Variants in POLR1D observed in about 807,000 individuals in gnomAD.
POLR1D encodes the protein DNA-directed RNA polymerases I and III subunit RPAC2.
Under a neutral mutation model 10.8 loss-of-function variants are expected in POLR1D, and 8 were observed. The observed-to-expected ratio is 0.74, with a 90% CI of 0.43 to 1.33. The LOEUF (loss-of-function observed/expected upper bound fraction) is 1.33. Among genes scored for constraint, POLR1D ranks in the 40% most tolerant of loss-of-function variants. POLR1D has a pLI of 0.01. For missense variants in POLR1D, 152 were observed against 161.7 expected, an observed-to-expected ratio of 0.94 and a Z score of 0.32; for synonymous variants, 54 against 57.2, an observed-to-expected ratio of 0.94 and a Z score of 0.25.
At chr13:27,632,741 A>G (rs1320731611) in intron 1 of POLR1D, among the ~76,000 whole-genome samples, 1 of 148,926 alleles carries the variant, frequency 6.7e-6, no homozygotes, top group Non-Finnish European at 1.5e-5. Flanking sequence ...TTCATTATAT[A>G]TTGCCTTTCC....
chr13:27,640,732 A>C (rs1301225154), intron 1 of POLR1D, among the ~76,000 whole-genome samples: 3 of 152,100 alleles, frequency 2.0e-5, no homozygotes, highest in African/African-American at 2.4e-5. Flanking sequence ...ATTATTTTAC[A>C]TTTTGTTTTT....
chr13:27,621,595 G>T, upstream of POLR1D: 1 of 158,492 alleles, frequency 6.3e-6, no homozygotes, highest in Non-Finnish European at 1.4e-5. Flanking sequence ...GGGGGCGGCA[G>T]GTAAGGCCGC....
At position 27,663,633 on chromosome 13, in the gene POLR1D, G is replaced by A. The variant is rs1197172476; in HGVS notation, c.102-2053G>A. 6.6e-6 allele frequency among the ~76,000 whole-genome samples: 1 copy of A among 152,174 alleles called. No homozygotes were observed. The highest frequency in any genetic ancestry group is 2.4e-5 in the African/African-American group (1 of 41,422). ...TTGGTTTTAAAGATGATCTGACATT[G>A]AAAACAGCAAAATAGAGTGGAATTC... On this transcript the variant is annotated intron_variant, in intron 2 of 2. Coordinates refer to the POLR1D transcript ENST00000399697. The surrounding 1 kb of genome is among the most constrained non-coding windows in gnomAD (Gnocchi z 4.1).
intron 1 of POLR1D, among the ~76,000 whole-genome samples, chr13:27,630,010 C>A (rs752878143): frequency 3.9e-5 from 6 of 152,152 alleles, no homozygotes; most frequent in Non-Finnish European, 5.9e-5. Context: ...CTCCTGGGTT[C>A]AAGAGATTCT....
At chr13:27,659,089 C>T (rs2138570147) in intron 2 of POLR1D, among the ~76,000 whole-genome samples, 1 of 152,218 alleles carries the variant, frequency 6.6e-6, no homozygotes, top group Middle Eastern at 3.4e-3. Flanking sequence ...AAGGAAGTCA[C>T]CCATCTTGTT....
At position 27,663,009 on chromosome 13, in the gene POLR1D, G is replaced by GA. The variant is rs995362501; in HGVS notation, c.102-2674dup. ...TCATGTAGTGTGATTTCTTAGCAAT[G>GA]AAACAACCAACTGTGAGATTCAGCA... On this transcript the variant is annotated intron_variant, in intron 2 of 2. Coordinates refer to the POLR1D transcript ENST00000399697. The surrounding 1 kb of genome is among the most constrained non-coding windows in gnomAD (Gnocchi z 4.1). Among the ~76,000 whole-genome samples the GA allele has an allele frequency of 2.0e-5, 3 of 152,326 alleles. No individual in the cohort carries two copies. The highest frequency in any genetic ancestry group is 2.9e-5 in the Non-Finnish European group (2 of 68,036).
At chr13:27,638,520 T>C (rs1303140056) in intron 1 of POLR1D, among the ~76,000 whole-genome samples, 7 of 152,224 alleles carry the variant, frequency 4.6e-5, no homozygotes, top group Non-Finnish European at 1.5e-5. Flanking sequence ...TCTAGAACTT[T>C]CTTTTATGTT....
exon 3 of POLR1D, chr13:27,665,762 G>C: frequency 6.2e-7 from 1 of 1,613,826 alleles, no homozygotes. Context: ...CTCTCATAAA[G>C]AGCAAGACCA....
Position 27,639,268 on chromosome 13 carries a change from T to G in POLR1D, c.27-9111T>G, listed in dbSNP as rs150181916. Among the ~76,000 whole-genome samples the G allele has an allele frequency of 1.5e-3, 228 of 152,336 alleles. 1 individual carries two copies. Among genetic ancestry groups the G allele is most frequent in the African/African-American group, 5.2e-3 (216 of 41,584 alleles). Reference sequence around the variant, plus strand: ...AAAAGAACTCAATAATTATTTGACCTTATATTCTCTGTGTGGATTTTTCCC... The same window carrying G: ...AAAAGAACTCAATAATTATTTGACCGTATATTCTCTGTGTGGATTTTTCCC... On this transcript the variant is annotated intron_variant, in intron 1 of 2. Transcript: ENST00000399697.
At chr13:27,622,313 T>C in intron 1 of POLR1D, 1 of 512,736 alleles carries the variant, frequency 2.0e-6, no homozygotes, top group Non-Finnish European at 3.5e-6. Flanking sequence ...TACTCGTGCC[T>C]CTGTCCCTGT....
intron 1 of POLR1D, among the ~76,000 whole-genome samples, chr13:27,637,136 C>G (rs1370208881): frequency 3.3e-5 from 5 of 151,952 alleles, no homozygotes; most frequent in Admixed American, 3.3e-4. Context: ...TTGTATTACT[C>G]TCTGTGGTTT....
At chr13:27,647,012 C>T (rs1956227367) in intron 1 of POLR1D, among the ~76,000 whole-genome samples, 1 of 152,000 alleles carries the variant, frequency 6.6e-6, no homozygotes, top group Non-Finnish European at 1.5e-5. Context: ...ATATAATTAT[C>T]CAGCTTCAAA....
exon 2 of POLR1D, chr13:27,648,441 G>T (rs769345066): frequency 1.0e-5 from 16 of 1,607,458 alleles, no homozygotes; most frequent in Non-Finnish European, 1.3e-5. Context: ...GAAACAATGG[G>T]ACCCATGGGT....
chr13:27,625,607 A>G (rs1432012591), downstream of POLR1D, among the ~76,000 whole-genome samples: 4 of 152,088 alleles, frequency 2.6e-5, no homozygotes, highest in African/African-American at 4.8e-5. Context: ...GAAGAGATCT[A>G]AGCTGGAGAC....
chr13:27,623,184 C>A lies in POLR1D; in HGVS notation c.336C>A (p.Asp112Glu). The A allele has an allele frequency of 1.2e-6, 2 of 1,614,104 alleles. No homozygotes were observed. The highest frequency in any genetic ancestry group is 1.7e-6 in the Non-Finnish European group (2 of 1,180,012). The change falls in exon 2 of 2, where the codon GAC becomes GAA. Residue 112 changes from aspartate to glutamate, a missense_variant. Coordinates refer to ENST00000302979, the MANE Select transcript of POLR1D (RefSeq NM_015972.4). Reference protein sequence around the residue: ...ELMNVCQHVLDKFEASIKDYK... With the variant: ...ELMNVCQHVLEKFEASIKDYK... The stretch of plus-strand genomic sequence containing the variant: ...TGAATGTCTGCCAACATGTGCTTGA[C>A]AAGTTTGAGGCCAGCATAAAGGACT...
intron 1 of POLR1D, among the ~76,000 whole-genome samples, chr13:27,641,168 A>T (rs1956170008): frequency 1.3e-5 from 2 of 152,246 alleles, no homozygotes; most frequent in Non-Finnish European, 2.9e-5. Context: ...TTTCAATACA[A>T]ATGCCTGGAA....
At chr13:27,660,126 T>C (rs1292092055) in intron 2 of POLR1D, among the ~76,000 whole-genome samples, 1 of 152,194 alleles carries the variant, frequency 6.6e-6, no homozygotes, top group Non-Finnish European at 1.5e-5. Context: ...GGCCACATGC[T>C]GAGGCATTTG....
chr13:27,622,011 T>C lies in POLR1D; in HGVS notation c.26+2T>C. Reference sequence around the variant, plus strand: ...GGAAGAGGATCAGGAGCTGGAGAGGTAACGGCCGAGGAGGAGGCGGGCGGA... The same window carrying C: ...GGAAGAGGATCAGGAGCTGGAGAGGCAACGGCCGAGGAGGAGGCGGGCGGA... On this transcript the variant is annotated splice_donor_variant, in intron 1 of 1. Transcript: ENST00000302979. LOFTEE classifies it high-confidence loss of function. 6.3e-7 allele frequency: 1 copy of C among 1,587,882 alleles called. No homozygotes were observed. Among genetic ancestry groups the C allele is most frequent in the Non-Finnish European group, 8.6e-7 (1 of 1,167,548 alleles).
chr13:27,663,402 TGCA>T lies in POLR1D; in HGVS notation c.102-2283_102-2281del, dbSNP rs1175934291. 3.8e-4 allele frequency among the ~76,000 whole-genome samples: 58 copies of T among 152,286 alleles called. No homozygotes were observed. The highest frequency in any genetic ancestry group is 1.4e-3 in the African/African-American group (57 of 41,566). ...CCAGGCATAACCAACATTAAAAAAC[TGCA>T]TCTCTGATGTTAAAAGAGATGTAAA... On this transcript the variant is annotated intron_variant, in intron 2 of 2. Coordinates refer to the POLR1D transcript ENST00000399697. This position sits in a 1 kb window ranked among gnomAD's most constrained non-coding sequence, Gnocchi z 4.1.
Sources: gnomAD v4.1 joint callset for allele counts (sites outside exome capture counted in the v4.1 genomes callset) on GRCh38, gnomAD v4.1.1 for gene constraint, Gnocchi (gnomAD v3.1) non-coding constraint, MANE v1.5 for transcripts, NCBI Gene and HGNC (gene_info 2026-07-23, HGNC 2026-07-21) for gene names.